Variants in ARPC1B observed in about 807,000 individuals in gnomAD.
ARPC1B encodes actin-related protein 2/3 complex subunit 1B.
Under a neutral mutation model 46.0 loss-of-function variants are expected in ARPC1B, and 29 were observed. The observed-to-expected ratio is 0.63, with a 90% CI of 0.47 to 0.86. The LOEUF is 0.86. ARPC1B is among the 40% of genes least tolerant of loss of function. The pLI is 0.00. For synonymous variants in ARPC1B, 201 were observed against 213.9 expected (o/e 0.94, Z 0.53); for missense variants, 469 against 529.4 (o/e 0.89, Z 1.12).
At position 99,391,233 on chromosome 7, in the gene ARPC1B, G is replaced by C. The variant is rs1363115097; in HGVS notation, c.763G>C (p.Asp255His). The C allele has an allele frequency of 1.2e-6, 2 of 1,613,852 alleles. No individual in the cohort carries two copies. The highest frequency in any genetic ancestry group is 1.7e-6 in the Non-Finnish European group (2 of 1,179,974). ...LPLLALTFITDNSLVAAGHDC... is the reference protein window; with the variant it reads ...LPLLALTFITHNSLVAAGHDC... ...ACTGCTGGCGCTGACCTTCATCACA[G>C]ACAACAGCCTGGTGGCAGCGGTGAG... is the stretch of plus-strand genomic sequence containing the variant. The change falls in exon 7 of 10, where the codon GAC becomes CAC. Residue 255 changes from aspartate to histidine, a missense_variant. By Grantham distance (81) the Asp-to-His change is moderately conservative. Coordinates refer to ENST00000646101, the MANE Select transcript of ARPC1B (RefSeq NM_005720.4).
At chr7:99,378,672 GACT>G (rs1053834052) in intron 1 of ARPC1B, among the ~76,000 whole-genome samples, 3 of 150,962 alleles carry the variant, frequency 2.0e-5, no homozygotes, top group Non-Finnish European at 2.9e-5. Flanking sequence ...GACAGAATGA[GACT>G]ACATCTCAAA....
At chr7:99,380,734 A>C (rs1299021163) in intron 1 of ARPC1B, among the ~76,000 whole-genome samples, 2 of 152,174 alleles carry the variant, frequency 1.3e-5, no homozygotes, top group African/African-American at 4.8e-5. Context: ...CACAGCAAGA[A>C]TGTGACCACT....
rs116820848 is a variant in ARPC1B, at chr7:99,384,799, G to A, written c.-13-903G>A. Among the ~76,000 whole-genome samples the A allele has an allele frequency of 4.6e-3, 701 of 151,946 alleles. 6 individuals are homozygous for A. Among genetic ancestry groups the A allele is most frequent in the African/African-American group, 0.016 (647 of 41,392 alleles). On this transcript the variant is annotated intron_variant, in intron 1 of 9. Coordinates refer to ENST00000646101, the MANE Select transcript of ARPC1B (RefSeq NM_005720.4). The stretch of plus-strand genomic sequence containing the variant: ...GGGGGAAGACCAGGGCTCTGGGCAC[G>A]GCAGGGCCAACTGCCATGTGCTGGA...
intron 5 of ARPC1B, 89 bp downstream of exon 5, chr7:99,390,101 C>T: frequency 2.5e-6 from 3 of 1,211,224 alleles, no homozygotes; most frequent in Non-Finnish European, 3.6e-6. Context: ...AGCTCTACAC[C>T]CCAGCTTCTA....
At chr7:99,378,901 C>T (rs897711813) in intron 1 of ARPC1B, among the ~76,000 whole-genome samples, 4 of 150,888 alleles carry the variant, frequency 2.7e-5, no homozygotes, top group Non-Finnish European at 5.9e-5. Context: ...CTCAGCCTCC[C>T]GAGTAGCTGG....
intron 4 of ARPC1B, 39 bp downstream of exon 4, chr7:99,388,300 C>G (rs1311512992): frequency 1.2e-6 from 2 of 1,600,536 alleles, no homozygotes; most frequent in Non-Finnish European, 1.7e-6. Flanking sequence ...CTGTTAGGGA[C>G]CGGGGGCAGG....
At chr7:99,392,198 G>A (rs1021750112) in intron 7 of ARPC1B, 4 of 159,050 alleles carry the variant, frequency 2.5e-5, no homozygotes, top group Non-Finnish European at 5.5e-5. Flanking sequence ...ACATTTTATT[G>A]GCAGGTGCAA....
At chr7:99,388,311 A>T (rs1217755710) in intron 4 of ARPC1B, 50 bp downstream of exon 4, 1 of 1,572,046 alleles carries the variant, frequency 6.4e-7, no homozygotes, top group African/African-American at 1.3e-5. Flanking sequence ...CGGGGGCAGG[A>T]CTAGAGTGTC....
At chr7:99,379,805 A>ATTTT (rs376760661) in intron 1 of ARPC1B, among the ~76,000 whole-genome samples, 4 of 142,012 alleles carry the variant, frequency 2.8e-5, no homozygotes, top group African/African-American at 1.1e-4. Context: ...TGCCTGGCTA[A>ATTTT]TTTTTTTTTT....
chr7:99,389,123 G>A (rs1169824544), intron 4 of ARPC1B: 1 of 151,556 alleles, frequency 6.6e-6, no homozygotes, highest in Non-Finnish European at 1.5e-5. Flanking sequence ...TTTTAGTAGA[G>A]ATGGGGTTTC....
intron 1 of ARPC1B, among the ~76,000 whole-genome samples, chr7:99,377,182 A>C (rs984434887): frequency 1.4e-4 from 21 of 152,194 alleles, no homozygotes. Flanking sequence ...AATGTTTAGT[A>C]GAGGTAGGGT....
At chr7:99,386,661 A>C (rs1794399054) in intron 2 of ARPC1B, 24 bp from the exon 3 acceptor site, 1 of 1,584,716 alleles carries the variant, frequency 6.3e-7, no homozygotes, top group Non-Finnish European at 8.7e-7. Flanking sequence ...AGGGCCCCTC[A>C]ATCTCCCTCC....
At chr7:99,379,888 AC>A (rs1794159387) in intron 1 of ARPC1B, among the ~76,000 whole-genome samples, 1 of 147,046 alleles carries the variant, frequency 6.8e-6, no homozygotes. Flanking sequence ...CAAGTGATCC[AC>A]CCACCTCGGC....
chr7:99,375,010 C>G (rs1159151713), intron 1 of ARPC1B, among the ~76,000 whole-genome samples: 2 of 126,626 alleles, frequency 1.6e-5, no homozygotes, highest in Non-Finnish European at 3.3e-5. Flanking sequence ...GGCGCGGGGA[C>G]GAGGGGCTCA....
At chr7:99,391,363 C>T (rs919308984) in intron 7 of ARPC1B, 110 bp downstream of exon 7, 15 of 1,160,816 alleles carry the variant, frequency 1.3e-5, no homozygotes, top group Admixed American at 4.3e-5. Flanking sequence ...TTTTTTTCTT[C>T]CTTGCATTCT....
chr7:99,378,735 A>C (rs1346169858), intron 1 of ARPC1B, among the ~76,000 whole-genome samples: 2 of 151,150 alleles, frequency 1.3e-5, no homozygotes, highest in African/African-American at 4.9e-5. Context: ...CTTAGGACCA[A>C]ATGGGTGTAT....
intron 4 of ARPC1B, 164 bp from the exon 5 acceptor site, chr7:99,389,741 C>T (rs1187536080): frequency 1.5e-6 from 1 of 666,266 alleles, no homozygotes. Flanking sequence ...TCCCTGCCGC[C>T]CCAGGGCCCT....
rs569870816 is a variant in ARPC1B at position 99,393,420 on chromosome 7, C to T, written c.989+544C>T. On this transcript the variant is annotated intron_variant, in intron 8 of 9. Transcript: ENST00000646101. ...GGCCCCTACGGTTCTCTGGGGTGGCCAGGCAGTGACCAGCGGGCTTCCTGG... is the reference window on the plus strand; with the variant it reads ...GGCCCCTACGGTTCTCTGGGGTGGCTAGGCAGTGACCAGCGGGCTTCCTGG... Among the ~76,000 whole-genome samples the T allele has an allele frequency of 5.1e-4, 77 of 152,176 alleles. 1 individual carries two copies. Among genetic ancestry groups the T allele is most frequent in the Admixed American group, 5.0e-3 (77 of 15,284 alleles).
Position 99,388,130 on chromosome 7 carries a change from G to A in ARPC1B, c.261G>A (p.Lys87=). ...GGACGCTGAAGGGCCGCACATGGAAGCCCACGCTGGTCATCCTGCGGATCA... is the reference window on the plus strand; with the variant it reads ...GGACGCTGAAGGGCCGCACATGGAAACCCACGCTGGTCATCCTGCGGATCA... The part of the protein sequence containing the change: ...YVWTLKGRTW[K]PTLVILRINR... Residue 87 remains lysine, a synonymous_variant, in exon 4 of 10, where the codon AAG becomes AAA. Coordinates refer to ENST00000646101, the MANE Select transcript of ARPC1B (RefSeq NM_005720.4). 1.2e-6 allele frequency: 2 copies of A among 1,614,210 alleles called. No homozygotes were observed. Among genetic ancestry groups the A allele is most frequent in the Non-Finnish European group, 1.7e-6 (2 of 1,180,026 alleles).
Sources: gnomAD v4.1 joint callset for allele counts (sites outside exome capture counted in the v4.1 genomes callset) on GRCh38, gnomAD v4.1.1 for gene constraint, MANE v1.5 for transcripts, NCBI Gene and HGNC (gene_info 2026-07-23, HGNC 2026-07-21) for gene names.